ANO4: variants seen among roughly 807,000 people sequenced by gnomAD.
The protein encoded by ANO4 is anoctamin 4, also known as anoctamin-4.
In ANO4, 69 loss-of-function variants were observed where a neutral mutation model predicts 141.9. The ratio of observed to expected loss-of-function variants is 0.49; its 90% confidence interval spans 0.40 to 0.59. The LOEUF is 0.59. Ranked by LOEUF, ANO4 falls within the 20% of genes least tolerant of loss-of-function variation. The pLI is 0.00. For missense variants in ANO4, 894 were observed against 1,162.2 expected (o/e 0.77, Z 3.36); for synonymous variants, 350 against 394.3 (o/e 0.89, Z 1.33).
intron 1 of ANO4, among the ~76,000 whole-genome samples, chr12:100,879,063 G>A (rs2039446349): frequency 6.6e-6 from 1 of 152,114 alleles, no homozygotes; most frequent in South Asian, 2.1e-4. Context: ...ACCTAATACA[G>A]GAAAGAGTGT....
chr12:101,108,338 A>G (rs2050530002), intron 22 of ANO4, among the ~76,000 whole-genome samples: 1 of 152,202 alleles, frequency 6.6e-6, no homozygotes, highest in South Asian at 2.1e-4. Flanking sequence ...TGGAGGTGGC[A>G]GTGTAACCAA....
At chr12:101,045,815 A>G (rs1268456336) in intron 13 of ANO4, among the ~76,000 whole-genome samples, 2 of 152,228 alleles carry the variant, frequency 1.3e-5, no homozygotes, top group East Asian at 1.9e-4. Context: ...TCTCTGTACA[A>G]TAGAAAAGAT....
At chr12:100,995,062 GA>G (rs533923363) in intron 8 of ANO4, among the ~76,000 whole-genome samples, 1 of 148,770 alleles carries the variant, frequency 6.7e-6, no homozygotes, top group East Asian at 2.0e-4. Flanking sequence ...AACATTTTTT[GA>G]AGTCAATTTA....
chr12:100,890,515 TG>T (rs1464831768), intron 1 of ANO4, among the ~76,000 whole-genome samples: 1 of 152,168 alleles, frequency 6.6e-6, no homozygotes, highest in African/African-American at 2.4e-5. Context: ...AAACCTTATA[TG>T]GGTATGAAAT....
chr12:100,737,814 G>A (rs186636082), intron 2 of ANO4, among the ~76,000 whole-genome samples: 4 of 152,200 alleles, frequency 2.6e-5, no homozygotes, highest in Middle Eastern at 3.4e-3. Flanking sequence ...TTCATTTCTT[G>A]TACTTCAGTC....
intron 22 of ANO4, among the ~76,000 whole-genome samples, chr12:101,106,726 G>A (rs1447065076): frequency 6.6e-6 from 1 of 151,504 alleles, no homozygotes; most frequent in Non-Finnish European, 1.5e-5. Context: ...TTTATAAAAA[G>A]ATATTAAGCA....
At chr12:100,843,384 G>C (rs2037385773) in intron 1 of ANO4, among the ~76,000 whole-genome samples, 1 of 152,100 alleles carries the variant, frequency 6.6e-6, no homozygotes, top group South Asian at 2.1e-4. Context: ...TTGTAACTCT[G>C]TAAAAATATT....
At chr12:100,998,413 A>G (rs1157677353) in intron 8 of ANO4, among the ~76,000 whole-genome samples, 1 of 150,506 alleles carries the variant, frequency 6.6e-6, no homozygotes, top group Non-Finnish European at 1.5e-5. Context: ...CTATCTATCT[A>G]TCCATCCTAT....
intron 1 of ANO4, among the ~76,000 whole-genome samples, chr12:100,868,686 C>T (rs998206796): frequency 6.6e-6 from 1 of 152,084 alleles, no homozygotes; most frequent in African/African-American, 2.4e-5. Context: ...CAAGAATACT[C>T]CTCCTCCCCC....
At chr12:100,790,490 AT>A (rs891522910), upstream of ANO4, among the ~76,000 whole-genome samples, 1 of 152,194 alleles carries the variant, frequency 6.6e-6, no homozygotes, top group African/African-American at 2.4e-5. Context: ...TTAAGTACTG[AT>A]TGGATGTGGA....
At chr12:101,041,687 C>T (rs1033263319) in intron 11 of ANO4, among the ~76,000 whole-genome samples, 1 of 151,946 alleles carries the variant, frequency 6.6e-6, no homozygotes, top group Admixed American at 6.6e-5. Flanking sequence ...CTTGAAACAT[C>T]GAGAAAAGAA....
chr12:101,033,706 T>C (rs376987018), intron 9 of ANO4, among the ~76,000 whole-genome samples: 1 of 152,032 alleles, frequency 6.6e-6, no homozygotes, highest in Non-Finnish European at 1.5e-5. Context: ...GAACAGACAA[T>C]CTACAGAGCG....
intron 8 of ANO4, among the ~76,000 whole-genome samples, chr12:101,006,920 C>T (rs190867593): frequency 7.2e-5 from 11 of 152,186 alleles, no homozygotes; most frequent in Non-Finnish European, 1.3e-4. Flanking sequence ...TGTTTGATGT[C>T]GTTCACCAGT....
intron 26 of ANO4, among the ~76,000 whole-genome samples, chr12:101,123,240 C>T (rs941131090): frequency 6.6e-6 from 1 of 152,224 alleles, no homozygotes; most frequent in African/African-American, 2.4e-5. Context: ...GGCACACTCT[C>T]TCTTTAAAGA....
chr12:100,893,248 T>G (rs984792781), intron 1 of ANO4, among the ~76,000 whole-genome samples: 1 of 151,944 alleles, frequency 6.6e-6, no homozygotes, highest in East Asian at 1.9e-4. Context: ...GGATTTTTTT[T>G]TTTTTCATGA....
At chr12:101,121,753 CTTTTTTTTTTTT>C (rs71091478) in intron 26 of ANO4, among the ~76,000 whole-genome samples, 341 of 110,414 alleles carry the variant, frequency 3.1e-3, no homozygotes, top group Middle Eastern at 0.029. Context: ...AATTTGTTTA[CTTTTTTTTTTTT>C]TTTTTTTTTT....
At chr12:100,848,499 A>C (rs2037699078) in intron 1 of ANO4, among the ~76,000 whole-genome samples, 1 of 152,204 alleles carries the variant, frequency 6.6e-6, no homozygotes, top group Non-Finnish European at 1.5e-5. Flanking sequence ...CTGAAAATCA[A>C]ACTCTTTTGA....
intron 1 of ANO4, among the ~76,000 whole-genome samples, chr12:100,822,463 G>A (rs1353233253): frequency 3.9e-5 from 6 of 152,126 alleles, no homozygotes; most frequent in African/African-American, 1.2e-4. Context: ...TAAGGGAGAC[G>A]GCAGCTCCTG....
intron 8 of ANO4, among the ~76,000 whole-genome samples, chr12:100,995,691 A>AC (rs933487980): frequency 6.6e-6 from 1 of 152,156 alleles, no homozygotes; most frequent in African/African-American, 2.4e-5. Flanking sequence ...TTATTGAAAG[A>AC]CCCCTTGAAA....
Sources: allele counts gnomAD v4.1 joint callset (sites outside exome capture counted in the v4.1 genomes callset), GRCh38; gene constraint gnomAD v4.1.1; transcripts MANE v1.5; gene names NCBI Gene and HGNC (gene_info 2026-07-23, HGNC 2026-07-21).